SNPH: variants seen among roughly 807,000 people sequenced by gnomAD.
The protein encoded by SNPH is syntaphilin.
Under a neutral mutation model 36.8 loss-of-function variants are expected in SNPH, and 10 were observed. The observed-to-expected ratio is 0.27, with a 90% CI of 0.17 to 0.46. The LOEUF (loss-of-function observed/expected upper bound fraction) is 0.46, where lower values mean the gene tolerates loss of function less well. SNPH is among the 20% of genes least tolerant of loss of function. SNPH has a pLI of 1.00. For missense variants in SNPH, 622 were observed against 744.0 expected, an observed-to-expected ratio of 0.84 and a Z score of 1.91; for synonymous variants, 281 against 312.2, an observed-to-expected ratio of 0.90 and a Z score of 1.05.
At chr20:1,281,856 T>C (rs1461553842) in intron 2 of SNPH, among the ~76,000 whole-genome samples, 1 of 152,218 alleles carries the variant, frequency 6.6e-6, no homozygotes, top group East Asian at 1.9e-4. Context: ...TAGGAAATGC[T>C]GTAATTAGAA....
At chr20:1,286,860 C>CT (rs753212751) in intron 2 of SNPH, among the ~76,000 whole-genome samples, 3 of 152,112 alleles carry the variant, frequency 2.0e-5, no homozygotes, top group African/African-American at 4.8e-5. Flanking sequence ...TGGAAAGGGG[C>CT]TGTCGTCGCA....
intron 2 of SNPH, among the ~76,000 whole-genome samples, chr20:1,283,847 G>C (rs573858008): frequency 6.6e-6 from 1 of 152,296 alleles, no homozygotes; most frequent in African/African-American, 2.4e-5. Context: ...AGGAGGAGAA[G>C]GCCCTAAGTT....
In SNPH at chr20:1,304,822, C is replaced by T. The variant is rs1034831176; in HGVS notation, c.441-56C>T. 3.2e-5 allele frequency: 49 copies of T among 1,530,456 alleles called. No individual in the cohort carries two copies. The highest frequency in any genetic ancestry group is 4.5e-5 in the East Asian group (2 of 44,468). The allele number at this position is 1,530,456 out of a possible 1,614,324, so 94.8% of individuals were successfully genotyped here. ...GTGTCCTCTCCCTGCCTCTCCTTGG[C>T]GGTGACAGACCAGGCAGGCAGGCAG... On this transcript the variant is annotated intron_variant, in intron 6 of 6. Coordinates refer to ENST00000381867, the MANE Select transcript of SNPH (RefSeq NM_001318234.2). The surrounding 1 kb of genome is among the most constrained non-coding windows in gnomAD (Gnocchi z 4.3).
In SNPH at chr20:1,305,603, G is replaced by T. The variant is rs2088563946; in HGVS notation, c.1166G>T (p.Gly389Val). 1 of 1,613,596 alleles carries T rather than the reference G, an allele frequency of 6.2e-7. No individual in the cohort carries two copies. Among genetic ancestry groups the T allele is most frequent in the Non-Finnish European group, 8.5e-7 (1 of 1,180,044 alleles). The change falls in exon 7 of 7, where the codon GGG (glycine) becomes GTG (valine). Residue 389 changes from glycine (G) to valine (V), a missense_variant. By Grantham distance (109) the Gly-to-Val change is moderately radical. Around this residue, in one of 3 missense-constraint regions of SNPH, gnomAD observed 379 missense variants for 427.9 expected, o/e 0.89. Transcript: ENST00000381867. ...AQVCGTDPES[G>V]DRCPELDAHP... ...GTCTGTGGGACAGACCCTGAGTCAG[G>T]GGACAGGTGCCCAGAGCTGGATGCC...
intron 2 of SNPH, among the ~76,000 whole-genome samples, chr20:1,282,133 G>A (rs978675939): frequency 6.6e-6 from 1 of 152,236 alleles, no homozygotes; most frequent in Admixed American, 6.5e-5. Context: ...TATACATTAT[G>A]GGTAGGAGAA....
chr20:1,280,697 A>T (rs1187910793), intron 2 of SNPH, among the ~76,000 whole-genome samples: 2 of 152,152 alleles, frequency 1.3e-5, no homozygotes, highest in African/African-American at 4.8e-5. Context: ...CTTTGTCCCA[A>T]GAGAGTGAGA....
chr20:1,274,377 A>T (rs80220245), intron 2 of SNPH, among the ~76,000 whole-genome samples: 2 of 152,092 alleles, frequency 1.3e-5, no homozygotes, highest in East Asian at 3.9e-4. Context: ...AAAAAAAAAA[A>T]ATCTAGTAAC....
chr20:1,289,635 A>G (rs970213596), intron 2 of SNPH, among the ~76,000 whole-genome samples: 2 of 151,550 alleles, frequency 1.3e-5, no homozygotes, highest in Non-Finnish European at 2.9e-5. Flanking sequence ...GCTTGAGGCC[A>G]GGAGATTGAG....
At chr20:1,291,196 G>A (rs2088357054) in intron 2 of SNPH, among the ~76,000 whole-genome samples, 1 of 152,206 alleles carries the variant, frequency 6.6e-6, no homozygotes, top group Admixed American at 6.5e-5. Context: ...TGGTTGCCTG[G>A]GGAAGCTTCT....
rs186567381 is a variant in SNPH at position 1,273,624 on chromosome 20, G to T, written c.-493+6864G>T. Among the ~76,000 whole-genome samples the T allele has an allele frequency of 5.3e-5, 8 of 152,232 alleles. No homozygotes were observed. In the East Asian group the frequency reaches 1.5e-3, roughly 29 times the overall value. On this transcript the variant is annotated intron_variant, in intron 2 of 6. Coordinates refer to ENST00000381867, the MANE Select transcript of SNPH (RefSeq NM_001318234.2). ...TGACTGTGTGTCTTCTGAGTATGAGGTGCTAGCCCTCATAGCACCTGTTTT... is the reference window on the plus strand; with the variant it reads ...TGACTGTGTGTCTTCTGAGTATGAGTTGCTAGCCCTCATAGCACCTGTTTT...
Position 1,305,170 on chromosome 20 carries a change from G to A in SNPH, c.733G>A (p.Ala245Thr). The part of the protein sequence containing the change: ...MAKEDGTGES[A>T]GGSPARSLTR... ...CAAGGAGGATGGCACTGGGGAGTCAGCCGGTGGGTCCCCTGCCCGCTCCCT... is the reference window on the plus strand; with the variant it reads ...CAAGGAGGATGGCACTGGGGAGTCAACCGGTGGGTCCCCTGCCCGCTCCCT... The change falls in exon 7 of 7, where the codon GCC (alanine) becomes ACC (threonine). Residue 245 changes from alanine to threonine, a missense_variant. By Grantham distance (58) the Ala-to-Thr change is moderately conservative. Around this residue, in one of 3 missense-constraint regions of SNPH, gnomAD observed 379 missense variants for 427.9 expected, o/e 0.89. Coordinates refer to ENST00000381867, the MANE Select transcript of SNPH (RefSeq NM_001318234.2). 17 of 1,612,898 alleles carry A rather than the reference G, an allele frequency of 1.1e-5. No individual in the cohort carries two copies. The highest frequency in any genetic ancestry group is 1.2e-5 in the Non-Finnish European group (14 of 1,179,824).
chr20:1,278,899 G>A (rs1479433827), intron 2 of SNPH, among the ~76,000 whole-genome samples: 1 of 152,112 alleles, frequency 6.6e-6, no homozygotes, highest in East Asian at 1.9e-4. Flanking sequence ...TGGTCAGGCT[G>A]GTCTCGAACT....
At position 1,266,466 on chromosome 20, in the gene SNPH, G is replaced by A. The variant is rs1179816408; in HGVS notation, c.-600+69G>A. Reference sequence around the variant, plus strand: ...TGCACCCGCCGCAGTCCAGAGTGCCGAGTGCCAGGGGGTGGGGTGGGGGCC... The same window carrying A: ...TGCACCCGCCGCAGTCCAGAGTGCCAAGTGCCAGGGGGTGGGGTGGGGGCC... On this transcript the variant is annotated intron_variant, in intron 1 of 6. Transcript: ENST00000381867. This position sits in a 1 kb window ranked among gnomAD's most constrained non-coding sequence, Gnocchi z 6.0. The A allele has an allele frequency of 2.5e-6, 2 of 797,558 alleles. No homozygotes were observed. The highest frequency in any genetic ancestry group is 3.6e-6 in the Non-Finnish European group (2 of 557,766). 49.4% of individuals were successfully genotyped at this position (797,558 alleles called of 1,614,324 possible). A position where few individuals can be genotyped will look rare whatever the true frequency, so the allele number is the denominator to read the frequency against.
At position 1,294,617 on chromosome 20, in the gene SNPH, A is replaced by G. The variant is rs1038113835; in HGVS notation, c.-492-334A>G. Among the ~76,000 whole-genome samples the G allele has an allele frequency of 1.3e-4, 20 of 152,174 alleles. No individual in the cohort carries two copies. The highest frequency in any genetic ancestry group is 3.9e-4 in the Admixed American group (6 of 15,292). On this transcript the variant is annotated intron_variant, in intron 2 of 6. Coordinates refer to ENST00000381867, the MANE Select transcript of SNPH (RefSeq NM_001318234.2). This position sits in a 1 kb window ranked among gnomAD's most constrained non-coding sequence, Gnocchi z 4.4. Reference sequence around the variant, plus strand: ...AGCACCCGACACCTCCAGGCAGACAATGCTGGCTGTGTCCAGACCCTCCAG... The same window carrying G: ...AGCACCCGACACCTCCAGGCAGACAGTGCTGGCTGTGTCCAGACCCTCCAG...
rs144583172 is a variant in SNPH, at chr20:1,288,261, T to C, written c.-492-6690T>C. Among the ~76,000 whole-genome samples, 40 of 152,350 alleles carry C rather than the reference T, an allele frequency of 2.6e-4. 1 individual carries two copies. The East Asian group carries it at 6.6e-3, about 25-fold the overall frequency. Reference sequence around the variant, plus strand: ...TGATAGCAAGAAATGTTCAGTCCTCTAATTTCCCAAGAACTACCCCCATCC... The same window carrying C: ...TGATAGCAAGAAATGTTCAGTCCTCCAATTTCCCAAGAACTACCCCCATCC... On this transcript the variant is annotated intron_variant, in intron 2 of 6. Transcript: ENST00000381867.
rs1600259901 is a variant in SNPH at position 1,296,250 on chromosome 20, G to A, written c.11G>A (p.Ser4Asn). The change falls in exon 4 of 7, where the codon AGC becomes AAC. Residue 4 changes from serine to asparagine, a missense_variant. Around this residue, in one of 3 missense-constraint regions of SNPH, gnomAD observed 187 missense variants for 209.4 expected, o/e 0.89. Coordinates refer to ENST00000381867, the MANE Select transcript of SNPH (RefSeq NM_001318234.2). ...GTGAGAAGAGAAGCCATGCCGGGCA[G>A]CGGCCCCAGCGAGAGGATGACGTGG... MPG[S>N]GPSERMTWPG... 2 of 1,527,782 alleles carry A rather than the reference G, an allele frequency of 1.3e-6. No individual in the cohort carries two copies. Among genetic ancestry groups the A allele is most frequent in the Middle Eastern group, 1.7e-4 (1 of 5,772 alleles). 94.6% of individuals were successfully genotyped at this position (1,527,782 alleles called of 1,614,324 possible).
intron 2 of SNPH, among the ~76,000 whole-genome samples, chr20:1,288,241 GC>G (rs2088307436): frequency 6.6e-6 from 1 of 152,222 alleles, no homozygotes; most frequent in Non-Finnish European, 1.5e-5. Flanking sequence ...AATAGTGATA[GC>G]AAGAAATGTT....
At chr20:1,288,853 C>T (rs1227920530) in intron 2 of SNPH, among the ~76,000 whole-genome samples, 2 of 152,062 alleles carry the variant, frequency 1.3e-5, no homozygotes, top group Non-Finnish European at 2.9e-5. Flanking sequence ...AAATCCTGAC[C>T]TCAGGTGATC....
chr20:1,280,507 C>T (rs749017832), intron 2 of SNPH, among the ~76,000 whole-genome samples: 4 of 152,194 alleles, frequency 2.6e-5, no homozygotes, highest in Admixed American at 1.3e-4. Context: ...ATGAGGCTGA[C>T]AAGGCAGAGG....
Sources: allele counts gnomAD v4.1 joint callset (sites outside exome capture counted in the v4.1 genomes callset), GRCh38; gene constraint gnomAD v4.1.1; regional missense constraint gnomAD v4.1.1; non-coding constraint Gnocchi (gnomAD v3.1); transcripts MANE v1.5; gene names NCBI Gene and HGNC (gene_info 2026-07-23, HGNC 2026-07-21).